ZNF611: variants seen among roughly 807,000 people sequenced by gnomAD.
ZNF611 encodes the protein zinc finger protein 611.
A neutral mutation model predicts 8.9 loss-of-function variants in ZNF611; 6 were observed. The observed-to-expected ratio is 0.68, with a 90% confidence interval of 0.37 to 1.34. The LOEUF (loss-of-function observed/expected upper bound fraction) is 1.34, where lower values mean the gene tolerates loss of function less well. Among genes scored for constraint, ZNF611 ranks in the 40% most tolerant of loss-of-function variants. The probability of loss-of-function intolerance (pLI) is 0.02; values close to 1 mark genes in which losing one functional copy is unlikely to be tolerated. For missense variants in ZNF611, 874 were observed against 841.3 expected, an observed-to-expected ratio of 1.04 and a Z score of -0.48; for synonymous variants, 262 against 279.7, an observed-to-expected ratio of 0.94 and a Z score of 0.63.
chr19:52,714,474 G>A (rs535309829), intron 4 of ZNF611, among the ~76,000 whole-genome samples: 3 of 151,558 alleles, frequency 2.0e-5, no homozygotes, highest in Non-Finnish European at 2.9e-5. Context: ...GATTATTTGC[G>A]GTCAAGAGTT....
chr19:52,722,238 C>A (rs914096826), intron 3 of ZNF611, among the ~76,000 whole-genome samples: 2 of 151,870 alleles, frequency 1.3e-5, no homozygotes, highest in African/African-American at 4.8e-5. Context: ...AATAACTAGC[C>A]GGGCTTGGTG....
At chr19:52,717,539 A>T in intron 3 of ZNF611, 1 of 305,216 alleles carries the variant, frequency 3.3e-6, no homozygotes, top group Non-Finnish European at 4.8e-6. Context: ...AAAATGTTCA[A>T]AATATACACA....
chr19:52,711,431 T>C (rs929054097), intron 5 of ZNF611: 5 of 152,072 alleles, frequency 3.3e-5, no homozygotes, highest in African/African-American at 4.8e-5. Context: ...ACAGTGTTCA[T>C]GTACATGACC....
chr19:52,709,281 T>C (rs2062264735), intron 5 of ZNF611, among the ~76,000 whole-genome samples: 1 of 152,142 alleles, frequency 6.6e-6, no homozygotes, highest in Non-Finnish European at 1.5e-5. Flanking sequence ...TTTTTATTTA[T>C]TTATTTTTTG....
chr19:52,727,189 T>C (rs2147445675), intron 3 of ZNF611, among the ~76,000 whole-genome samples: 1 of 152,292 alleles, frequency 6.6e-6, no homozygotes, highest in East Asian at 1.9e-4. Context: ...TTACTTCACT[T>C]TTTAAATGTG....
intron 2 of ZNF611, among the ~76,000 whole-genome samples, chr19:52,729,669 G>A (rs2062413830): frequency 6.6e-6 from 1 of 152,028 alleles, no homozygotes; most frequent in Non-Finnish European, 1.5e-5. Flanking sequence ...AAAGCCATAT[G>A]TGAAATCTTA....
At chr19:52,715,992 G>A (rs1228042060) in intron 3 of ZNF611, 79 bp from the exon 4 acceptor site, 2 of 1,531,332 alleles carry the variant, frequency 1.3e-6, no homozygotes, top group Non-Finnish European at 1.8e-6. Context: ...GAACGGGGGA[G>A]ACGTCACCCT....
intron 1 of ZNF611, among the ~76,000 whole-genome samples, chr19:52,732,553 TTATTCAGAATAACTCACAG>T (rs199817015): frequency 3.1e-5 from 4 of 131,046 alleles, no homozygotes; most frequent in African/African-American, 1.3e-4. Context: ...CAGTATTGAG[TTATTCAGAATAACTCACAG>T]TATTGAGTTA....
At chr19:52,731,928 G>A (rs551436248) in intron 1 of ZNF611, among the ~76,000 whole-genome samples, 3 of 151,694 alleles carry the variant, frequency 2.0e-5, no homozygotes, top group South Asian at 2.1e-4. Context: ...CTGAGATCAT[G>A]CCATCGCACT....
intron 3 of ZNF611, chr19:52,716,291 T>TTAATG: frequency 5.6e-6 from 1 of 179,476 alleles, no homozygotes; most frequent in East Asian, 1.5e-4. Flanking sequence ...GCTTCCATGC[T>TTAATG]CAATGCTGCA....
At chr19:52,734,928 C>G (rs1758703436) in intron 1 of ZNF611, 73 bp downstream of exon 1, 1 of 152,372 alleles carries the variant, frequency 6.6e-6, no homozygotes, top group Admixed American at 6.5e-5. Flanking sequence ...TCTGTGGGGA[C>G]CCCACGTCCC....
intron 1 of ZNF611, among the ~76,000 whole-genome samples, chr19:52,731,216 G>A (rs2062423887): frequency 6.6e-6 from 1 of 152,044 alleles, no homozygotes; most frequent in African/African-American, 2.4e-5. Context: ...AGAGGCGTGT[G>A]CCACCACGCT....
intron 3 of ZNF611, among the ~76,000 whole-genome samples, chr19:52,718,415 A>G (rs1242011416): frequency 6.6e-6 from 1 of 150,452 alleles, no homozygotes; most frequent in Non-Finnish European, 1.5e-5. Flanking sequence ...TGAGGTGGGA[A>G]AATCACTTGA....
intron 4 of ZNF611, among the ~76,000 whole-genome samples, chr19:52,714,654 C>G (rs1380844102): frequency 5.0e-5 from 7 of 139,802 alleles, no homozygotes; most frequent in Admixed American, 4.3e-4. Context: ...CACCACTGCC[C>G]TCCATCCTGG....
chr19:52,725,489 G>A (rs758217462), intron 3 of ZNF611, among the ~76,000 whole-genome samples: 2 of 152,218 alleles, frequency 1.3e-5, no homozygotes, highest in Non-Finnish European at 2.9e-5. Context: ...AAAACTATGC[G>A]ATAGGAAGTG....
intron 3 of ZNF611, among the ~76,000 whole-genome samples, chr19:52,727,109 G>A (rs1041090599): frequency 2.9e-4 from 44 of 151,768 alleles, no homozygotes; most frequent in Admixed American, 2.4e-3. Context: ...CAAGTGATCC[G>A]CCTGCCTTGG....
In ZNF611 at chr19:52,705,702, C is replaced by T; in HGVS notation, c.1353G>A (p.Glu451=). 1 of 1,613,966 alleles carries T rather than the reference C, an allele frequency of 6.2e-7. No individual in the cohort carries two copies. The highest frequency in any genetic ancestry group is 1.1e-5 in the South Asian group (1 of 91,066). Reference sequence around the variant, plus strand: ...CACAAACCTTACATTTGTAAGATTTCTCTCCACCATGAAGTCTATGATGGC... The same window carrying T: ...CACAAACCTTACATTTGTAAGATTTTTCTCCACCATGAAGTCTATGATGGC... ...LVCHHRLHGG[E]KSYKCKVCDK... is the part of the protein sequence containing the mutation. Residue 451 remains glutamate, a synonymous_variant, in exon 6 of 6, where the codon GAG becomes GAA. Transcript: ENST00000652185.
At chr19:52,717,758 A>G (rs1368351938) in intron 3 of ZNF611, 1 of 893,166 alleles carries the variant, frequency 1.1e-6, no homozygotes, top group Admixed American at 6.2e-5. Context: ...ACAGATCACC[A>G]TTTTTTCAGA....
In ZNF611 at chr19:52,703,332, A is replaced by G. The variant is rs549446086; in HGVS notation, c.*1605T>C. 1.3e-5 allele frequency: 2 copies of G among 152,274 alleles called. No individual in the cohort carries two copies. Among genetic ancestry groups the G allele is most frequent in the African/African-American group, 4.8e-5 (2 of 41,558 alleles). 9.4% of individuals were successfully genotyped at this position (152,274 alleles called of 1,614,324 possible). On this transcript the variant is annotated 3_prime_UTR_variant, in exon 6 of 6. Coordinates refer to ENST00000652185, the MANE Select transcript of ZNF611 (RefSeq NM_001161499.2). ...AGACTCACTCTGCCACCCAGGCTGC[A>G]GTATAGTGGCACAATTTTGGTTCAC...
Sources: allele counts gnomAD v4.1 joint callset (sites outside exome capture counted in the v4.1 genomes callset), GRCh38; gene constraint gnomAD v4.1.1; transcripts MANE v1.5; gene names NCBI Gene and HGNC (gene_info 2026-07-23, HGNC 2026-07-21).